The following MDGA2 variants were observed in gnomAD, a reference collection of about 807,000 sequenced individuals.
MDGA2 encodes MAM domain containing glycosylphosphatidylinositol anchor 2, also known as MAM domain-containing glycosylphosphatidylinositol anchor protein 2.
In MDGA2, 40 loss-of-function variants were observed where a neutral mutation model predicts 117.8. That is an observed-to-expected ratio of 0.34 (90% CI 0.26 to 0.44). MDGA2 has a LOEUF of 0.44. MDGA2 is among the 20% of genes least tolerant of loss of function. The probability of loss-of-function intolerance (pLI) is 1.00; values close to 1 mark genes in which losing one functional copy is unlikely to be tolerated. For missense variants in MDGA2, 1,123 were observed against 1,250.6 expected, an observed-to-expected ratio of 0.90 and a Z score of 1.54; for synonymous variants, 452 against 439.0, an observed-to-expected ratio of 1.03 and a Z score of -0.37.
chr14:47,220,342 T>C (rs1338881861), intron 2 of MDGA2, among the ~76,000 whole-genome samples: 1 of 152,196 alleles, frequency 6.6e-6, no homozygotes, highest in Non-Finnish European at 1.5e-5. Context: ...CAGAGCCCAG[T>C]CACTCCCTAA....
At chr14:47,396,495 A>C (rs1243190780) in intron 1 of MDGA2, among the ~76,000 whole-genome samples, 1 of 152,228 alleles carries the variant, frequency 6.6e-6, no homozygotes, top group Non-Finnish European at 1.5e-5. Context: ...AATGGGATCT[A>C]ATTAAACTGA....
intron 1 of MDGA2, among the ~76,000 whole-genome samples, chr14:47,340,621 T>G (rs1252846531): frequency 6.6e-6 from 1 of 152,154 alleles, no homozygotes; most frequent in East Asian, 1.9e-4. Flanking sequence ...TAAAAATTCT[T>G]ACTGACCTCT....
intron 1 of MDGA2, among the ~76,000 whole-genome samples, chr14:47,409,074 CG>C (rs1008280474): frequency 1.3e-5 from 2 of 152,056 alleles, no homozygotes; most frequent in Admixed American, 6.6e-5. Context: ...ACCAGAAAGG[CG>C]GGGGGGACTG....
chr14:47,107,112 C>T (rs926632004), intron 5 of MDGA2, among the ~76,000 whole-genome samples: 6 of 147,658 alleles, frequency 4.1e-5, no homozygotes, highest in South Asian at 4.3e-4. Context: ...CCTTGGCGAC[C>T]GATCATGCAC....
intron 4 of MDGA2, among the ~76,000 whole-genome samples, chr14:47,136,787 A>G (rs1882479739): frequency 6.6e-6 from 1 of 152,222 alleles, no homozygotes; most frequent in Non-Finnish European, 1.5e-5. Context: ...AATAGAGCAC[A>G]CAGTAAGGTT....
At chr14:47,327,253 A>G (rs1009556114) in intron 1 of MDGA2, among the ~76,000 whole-genome samples, 6 of 152,186 alleles carry the variant, frequency 3.9e-5, no homozygotes, top group Non-Finnish European at 7.3e-5. Context: ...GCCTAATCCA[A>G]TGAGAGCTCA....
rs144208189 is a variant in MDGA2 at position 47,171,347 on chromosome 14, C to A, written c.596-27073G>T. On this transcript the variant is annotated intron_variant, in intron 3 of 16. Transcript: ENST00000399232. ...TTATATAAATTCTTAACTGAATATG[C>A]CATAAAAACAAGTAAAAATAATACA... Among the ~76,000 whole-genome samples the A allele has an allele frequency of 6.3e-3, 964 of 151,912 alleles. 13 individuals carry two copies. Among genetic ancestry groups the A allele is most frequent in the African/African-American group, 0.021 (889 of 41,430 alleles).
intron 2 of MDGA2, among the ~76,000 whole-genome samples, chr14:47,221,550 T>A (rs1886301398): frequency 6.6e-6 from 1 of 151,076 alleles, no homozygotes; most frequent in Admixed American, 6.6e-5. Context: ...TAGCCGGGAG[T>A]GGTGGCAGGC....
At chr14:47,663,106 G>T (rs1897880529) in intron 1 of MDGA2, among the ~76,000 whole-genome samples, 1 of 152,124 alleles carries the variant, frequency 6.6e-6, no homozygotes, top group Non-Finnish European at 1.5e-5. Context: ...AACAAGGAAC[G>T]AGTTCAGAAC....
intron 1 of MDGA2, among the ~76,000 whole-genome samples, chr14:47,414,616 T>G (rs1301145833): frequency 6.6e-6 from 1 of 152,136 alleles, no homozygotes; most frequent in Non-Finnish European, 1.5e-5. Flanking sequence ...TTTCCAGAGC[T>G]CTACAAAAAT....
intron 1 of MDGA2, among the ~76,000 whole-genome samples, chr14:47,525,627 G>A (rs950991135): frequency 6.6e-6 from 1 of 152,000 alleles, no homozygotes; most frequent in African/African-American, 2.4e-5. Context: ...AGAGGTTGCG[G>A]TGAACCGAGA....
chr14:47,459,424 A>G (rs1270802169), intron 1 of MDGA2, among the ~76,000 whole-genome samples: 1 of 148,746 alleles, frequency 6.7e-6, no homozygotes, highest in African/African-American at 2.5e-5. Context: ...TTTTTTTTTC[A>G]GAATTGAGAG....
chr14:47,658,991 C>A (rs2138286841), intron 1 of MDGA2, among the ~76,000 whole-genome samples: 1 of 152,278 alleles, frequency 6.6e-6, no homozygotes, highest in Non-Finnish European at 1.5e-5. Context: ...TTCCCAACAT[C>A]ACTCTCTAAT....
At chr14:47,627,710 C>G (rs936845071) in intron 1 of MDGA2, among the ~76,000 whole-genome samples, 1 of 152,164 alleles carries the variant, frequency 6.6e-6, no homozygotes, top group African/African-American at 2.4e-5. Context: ...TCTGCCCCAG[C>G]CAGCAGTGGC....
At chr14:47,239,243 A>G (rs1449737059) in intron 2 of MDGA2, among the ~76,000 whole-genome samples, 2 of 150,246 alleles carry the variant, frequency 1.3e-5, no homozygotes, top group Non-Finnish European at 3.0e-5. Flanking sequence ...AAGGGCTCTG[A>G]TAAGTGCTAA....
intron 8 of MDGA2, among the ~76,000 whole-genome samples, chr14:46,985,768 A>G (rs1886836978): frequency 6.6e-6 from 1 of 152,104 alleles, no homozygotes; most frequent in Non-Finnish European, 1.5e-5. Flanking sequence ...AAGCAAAGTC[A>G]AAGAACACTT....
chr14:47,542,389 T>C (rs1344476197), intron 1 of MDGA2, among the ~76,000 whole-genome samples: 2 of 152,242 alleles, frequency 1.3e-5, no homozygotes, highest in Admixed American at 6.5e-5. Flanking sequence ...TAAAAACTCA[T>C]CTTTATTTCT....
At chr14:47,298,530 T>C (rs558913246) in intron 2 of MDGA2, among the ~76,000 whole-genome samples, 5 of 152,160 alleles carry the variant, frequency 3.3e-5, no homozygotes, top group African/African-American at 1.2e-4. Flanking sequence ...AGAAAGTCAT[T>C]CCAGCTTTCT....
chr14:47,099,777 G>C (rs190513145), intron 5 of MDGA2, among the ~76,000 whole-genome samples: 104 of 152,110 alleles, frequency 6.8e-4, no homozygotes, highest in East Asian at 4.6e-3. Context: ...TCCCATTGTT[G>C]AAATGGGGGA....
Sources: gnomAD v4.1 joint callset for allele counts (sites outside exome capture counted in the v4.1 genomes callset) on GRCh38, gnomAD v4.1.1 for gene constraint, MANE v1.5 for transcripts, NCBI Gene and HGNC (gene_info 2026-07-23, HGNC 2026-07-21) for gene names.